The following ACAD10 variants were observed in gnomAD, a reference collection of about 807,000 sequenced individuals.
ACAD10 encodes the protein ACAD-10.
ACAD10 carries 112 observed loss-of-function variants against 116.8 expected under a neutral mutation model. The observed-to-expected ratio is 0.96, with a 90% CI of 0.82 to 1.12. The LOEUF (loss-of-function observed/expected upper bound fraction) is 1.12. Ranked by LOEUF, ACAD10 falls within the 50% of genes most tolerant of loss-of-function variation. The probability of loss-of-function intolerance (pLI) is 0.00; values close to 1 mark genes in which losing one functional copy is unlikely to be tolerated. For synonymous variants in ACAD10, 486 were observed against 510.6 expected (o/e 0.95, Z 0.65); for missense variants, 1,259 against 1,350.2 (o/e 0.93, Z 1.06).
At chr12:111,750,820 AC>A (rs113449085) in intron 18 of ACAD10, among the ~76,000 whole-genome samples, 11 of 152,344 alleles carry the variant, frequency 7.2e-5, no homozygotes, top group African/African-American at 2.6e-4. Context: ...GGTGACGCAA[AC>A]CCTGAGACCA....
At position 111,705,620 on chromosome 12, in the gene ACAD10, G is replaced by A; in HGVS notation, c.337-118G>A. On this transcript the variant is annotated intron_variant, in intron 3 of 20. Coordinates refer to ENST00000313698, the MANE Select transcript of ACAD10 (RefSeq NM_025247.6). ...CCTGCAGGCAGCAAGCTATGAGCCT[G>A]GGCTCTTGTAGCAGAGAGCAGAAGG... 10 of 885,948 alleles carry A rather than the reference G, an allele frequency of 1.1e-5. No homozygotes were observed. In the South Asian group the frequency reaches 1.7e-4, roughly 15 times the overall value. The allele number at this position is 885,948 out of a possible 1,614,324, so 54.9% of individuals were successfully genotyped here.
intron 7 of ACAD10, among the ~76,000 whole-genome samples, chr12:111,716,594 A>G (rs745366304): frequency 1.3e-5 from 2 of 152,130 alleles, no homozygotes; most frequent in African/African-American, 4.8e-5. Flanking sequence ...AGCAGTAGCT[A>G]CCATAGTCCC....
intron 4 of ACAD10, among the ~76,000 whole-genome samples, chr12:111,706,140 G>C (rs2135953271): frequency 6.6e-6 from 1 of 152,316 alleles, no homozygotes; most frequent in South Asian, 2.1e-4. Context: ...TATGGCATTT[G>C]ATTACTGGTT....
chr12:111,693,020 TCG>T, intron 2 of ACAD10, 124 bp downstream of exon 2: 1 of 1,106,168 alleles, frequency 9.0e-7, no homozygotes, highest in Non-Finnish European at 1.3e-6. Flanking sequence ...GCTCTGGCTC[TCG>T]AGTCGAATTC....
chr12:111,713,624 C>CA (rs35030891), intron 6 of ACAD10, among the ~76,000 whole-genome samples: 65 of 112,698 alleles, frequency 5.8e-4, no homozygotes, highest in South Asian at 2.0e-3. Context: ...GACTCCATCT[C>CA]AAAAAAAAAA....
chr12:111,735,496 C>A (rs1889522065), intron 11 of ACAD10, among the ~76,000 whole-genome samples: 1 of 151,118 alleles, frequency 6.6e-6, no homozygotes. Flanking sequence ...CGCTCTGTTG[C>A]CCAGGCTAGA....
At chr12:111,694,334 C>T (rs1457219337) in intron 2 of ACAD10, among the ~76,000 whole-genome samples, 3 of 152,160 alleles carry the variant, frequency 2.0e-5, no homozygotes, top group African/African-American at 4.8e-5. Context: ...AGACTGTCCA[C>T]TCCCCCTGCT....
chr12:111,713,034 C>T (rs1593027139), intron 6 of ACAD10, among the ~76,000 whole-genome samples: 1 of 152,016 alleles, frequency 6.6e-6, no homozygotes, highest in Non-Finnish European at 1.5e-5. Context: ...CATCGGCAGG[C>T]GGGTGCGGTG....
At chr12:111,712,427 A>G in intron 5 of ACAD10, 71 bp from the exon 6 acceptor site, 1 of 1,411,126 alleles carries the variant, frequency 7.1e-7, no homozygotes, top group Non-Finnish European at 9.8e-7. Flanking sequence ...TATATTCTCA[A>G]CATCCTGTGA....
At chr12:111,714,141 A>T (rs1327908866) in intron 6 of ACAD10, among the ~76,000 whole-genome samples, 2 of 151,412 alleles carry the variant, frequency 1.3e-5, no homozygotes, top group South Asian at 4.2e-4. Context: ...GCTACTTGGG[A>T]GGCTAAGACA....
chr12:111,714,601 G>T (rs1566149875), intron 6 of ACAD10, among the ~76,000 whole-genome samples: 1 of 152,078 alleles, frequency 6.6e-6, no homozygotes, highest in Non-Finnish European at 1.5e-5. Flanking sequence ...AGCAGAGGTT[G>T]CAGTGAGCTG....
intron 3 of ACAD10, among the ~76,000 whole-genome samples, chr12:111,704,694 T>G (rs987611006): frequency 2.7e-5 from 4 of 148,016 alleles, no homozygotes; most frequent in Non-Finnish European, 6.0e-5. Flanking sequence ...CTTTCTTTTT[T>G]TTTTTTTTTT....
chr12:111,725,626 C>G (rs1290172035), intron 8 of ACAD10, among the ~76,000 whole-genome samples: 3 of 151,950 alleles, frequency 2.0e-5, no homozygotes, highest in African/African-American at 7.3e-5. Flanking sequence ...CCTCTGCCTC[C>G]TGGATTCAAG....
intron 1 of ACAD10, among the ~76,000 whole-genome samples, chr12:111,692,440 T>C (rs1888077078): frequency 6.6e-6 from 1 of 151,938 alleles, no homozygotes; most frequent in Admixed American, 6.6e-5. Context: ...CAGAACTAGA[T>C]AGGGCGAGGT....
Position 111,712,593 on chromosome 12 carries a change from G to A in ACAD10, c.786G>A (p.Thr262=), listed in dbSNP as rs559456368. The A allele has an allele frequency of 6.2e-6, 10 of 1,614,040 alleles. No individual in the cohort carries two copies. Among genetic ancestry groups the A allele is most frequent in the South Asian group, 4.4e-5 (4 of 91,086 alleles). Residue 262 remains threonine (T), a synonymous_variant, in exon 6 of 21, where the codon ACG becomes ACA. Transcript: ENST00000313698. ...CAAACACTCGGCCTGTGAAAAAGACGATGGAAATTCCGAAAGATTCCTTGC... is the reference window on the plus strand; with the variant it reads ...CAAACACTCGGCCTGTGAAAAAGACAATGGAAATTCCGAAAGATTCCTTGC... ...GVPNTRPVKK[T]MEIPKDSLQK...
rs1054075896 is a variant in ACAD10 at position 111,748,893 on chromosome 12, A to G, written c.2645-280A>G. 11 of 1,045,066 alleles carry G rather than the reference A, an allele frequency of 1.1e-5. 1 individual carries two copies. Among genetic ancestry groups the G allele is most frequent in the African/African-American group, 3.2e-5 (2 of 63,012 alleles). The allele number at this position is 1,045,066 out of a possible 1,614,324, so 64.7% of individuals were successfully genotyped here. On this transcript the variant is annotated intron_variant, in intron 17 of 20. Transcript: ENST00000313698. ...TTCAGTGTTTTCATAGGATCACTAC[A>G]TTGTCACAAACCACTAGGAGCTTCA... is the stretch of plus-strand genomic sequence containing the variant.
intron 1 of ACAD10, among the ~76,000 whole-genome samples, chr12:111,688,776 T>C (rs1004408037): frequency 6.7e-6 from 1 of 150,170 alleles, no homozygotes; most frequent in Admixed American, 6.6e-5. Context: ...CACTCCAGCC[T>C]GGGCGACAGA....
At chr12:111,722,661 G>T (rs1292149208) in intron 8 of ACAD10, among the ~76,000 whole-genome samples, 27 of 152,074 alleles carry the variant, frequency 1.8e-4, no homozygotes, top group Admixed American at 1.8e-3. Flanking sequence ...ATTTAACCCT[G>T]AGTGGACACA....
At chr12:111,702,424 T>C (rs1188762124) in intron 3 of ACAD10, 114 bp downstream of exon 3, 14 of 1,396,368 alleles carry the variant, frequency 1.0e-5, no homozygotes, top group Admixed American at 2.2e-5. Flanking sequence ...TAATAACCCA[T>C]TACATGTTTT....
Sources: gnomAD v4.1 joint callset for allele counts (sites outside exome capture counted in the v4.1 genomes callset) on GRCh38, gnomAD v4.1.1 for gene constraint, MANE v1.5 for transcripts, NCBI Gene and HGNC (gene_info 2026-07-23, HGNC 2026-07-21) for gene names.